NTRK2: variants seen among roughly 807,000 people sequenced by gnomAD.
NTRK2 encodes BDNF/NT-3 growth factors receptor.
A neutral mutation model predicts 94.5 loss-of-function variants in NTRK2; 13 were observed. That is an observed-to-expected ratio of 0.14 (90% CI 0.09 to 0.22). The LOEUF is 0.22. NTRK2 is among the 10% of genes least tolerant of loss of function. The pLI is 1.00. For missense variants in NTRK2, 639 were observed against 1,071.2 expected (o/e 0.60, Z 5.63); for synonymous variants, 372 against 407.4 (o/e 0.91, Z 1.05).
intron 12 of NTRK2, among the ~76,000 whole-genome samples, chr9:84,820,861 G>T (rs554166569): frequency 7.7e-4 from 117 of 152,250 alleles, no homozygotes; most frequent in African/African-American, 2.6e-3. Flanking sequence ...CATAATAAGA[G>T]AACAATGGCT....
At chr9:84,852,741 CAA>C (rs1418030798) in intron 12 of NTRK2, among the ~76,000 whole-genome samples, 4 of 152,128 alleles carry the variant, frequency 2.6e-5, no homozygotes, top group Admixed American at 2.6e-4. Flanking sequence ...ATGTACAAAA[CAA>C]AAGAGAGAAA....
At chr9:84,774,886 A>T (rs922047025) in intron 12 of NTRK2, among the ~76,000 whole-genome samples, 2 of 152,190 alleles carry the variant, frequency 1.3e-5, no homozygotes, top group Non-Finnish European at 2.9e-5. Flanking sequence ...ATGAAGAGAG[A>T]GAGGTTAGGA....
Position 84,748,203 on chromosome 9 carries a change from A to G in NTRK2, c.1296+3130A>G, listed in dbSNP as rs2064266558. On this transcript the variant is annotated intron_variant, in intron 11 of 18. Coordinates refer to ENST00000277120, the MANE Select transcript of NTRK2 (RefSeq NM_006180.6). ...AACAACTGACCAAACAAACTCACCC[A>G]TGCTCATCTCCCGTGTAAAAACCAC... is the stretch of plus-strand genomic sequence containing the variant. Among the ~76,000 whole-genome samples the G allele has an allele frequency of 3.9e-5, 6 of 152,326 alleles. No homozygotes were observed. In the South Asian group the frequency reaches 1.2e-3, roughly 32 times the overall value.
chr9:84,877,964 A>G, intron 14 of NTRK2: 1 of 1,007,686 alleles, frequency 9.9e-7, no homozygotes, highest in Non-Finnish European at 1.2e-6. Flanking sequence ...TGAGAATATA[A>G]TTCAACATTG....
chr9:84,869,606 A>G (rs2075751626), intron 14 of NTRK2, among the ~76,000 whole-genome samples: 1 of 151,768 alleles, frequency 6.6e-6, no homozygotes, highest in Non-Finnish European at 1.5e-5. Flanking sequence ...CCTTTTGTTA[A>G]GTAGTGAGTA....
chr9:84,728,102 A>T, intron 9 of NTRK2, 143 bp downstream of exon 9: 2 of 780,802 alleles, frequency 2.6e-6, no homozygotes, highest in East Asian at 2.7e-5. Context: ...TCCATAGGTC[A>T]GCGGAGTGGT....
At chr9:84,746,662 C>T (rs974571836) in intron 11 of NTRK2, among the ~76,000 whole-genome samples, 5 of 152,100 alleles carry the variant, frequency 3.3e-5, no homozygotes, top group Non-Finnish European at 7.4e-5. Context: ...ACTTCATCTC[C>T]CACGCTCTTC....
At chr9:84,744,099 C>G (rs967194965) in intron 10 of NTRK2, among the ~76,000 whole-genome samples, 2 of 152,148 alleles carry the variant, frequency 1.3e-5, no homozygotes, top group Non-Finnish European at 2.9e-5. Flanking sequence ...AATTAAAATA[C>G]AAACATTATA....
At chr9:84,735,646 T>C (rs1275566358) in intron 9 of NTRK2, among the ~76,000 whole-genome samples, 1 of 151,690 alleles carries the variant, frequency 6.6e-6, no homozygotes, top group African/African-American at 2.4e-5. Context: ...CTAGGGAGAG[T>C]GAACAAAAAG....
intron 14 of NTRK2, among the ~76,000 whole-genome samples, chr9:84,888,174 G>C (rs2076474652): frequency 6.6e-6 from 1 of 152,168 alleles, no homozygotes; most frequent in Non-Finnish European, 1.5e-5. Context: ...TGAGCATTGA[G>C]AGAACTTAAC....
At chr9:84,824,263 CAG>C (rs942272817) in intron 12 of NTRK2, among the ~76,000 whole-genome samples, 1 of 152,210 alleles carries the variant, frequency 6.6e-6, no homozygotes, top group African/African-American at 2.4e-5. Context: ...ATGGCAGTAA[CAG>C]TGGTTCTGAG....
At chr9:84,688,651 GA>G (rs2059863403) in intron 2 of NTRK2, among the ~76,000 whole-genome samples, 1 of 152,162 alleles carries the variant, frequency 6.6e-6, no homozygotes, top group Non-Finnish European at 1.5e-5. Context: ...TATTGCCCCT[GA>G]AAGTTCTGGG....
intron 2 of NTRK2, among the ~76,000 whole-genome samples, chr9:84,692,468 CTTTTTTTTTTTT>C (rs71369138): frequency 5.7e-5 from 5 of 87,694 alleles, no homozygotes; most frequent in Non-Finnish European, 2.1e-5. Flanking sequence ...TTCTTTTTTT[CTTTTTTTTTTTT>C]TTTTTTTTGA....
chr9:84,934,631 C>T lies in NTRK2; in HGVS notation c.1764+339C>T, dbSNP rs546018337. 5.9e-5 allele frequency among the ~76,000 whole-genome samples: 9 copies of T among 152,240 alleles called. No homozygotes were observed. In the East Asian group the frequency reaches 1.4e-3, roughly 23 times the overall value. On this transcript the variant is annotated intron_variant, in intron 15 of 18. Transcript: ENST00000277120. The stretch of plus-strand genomic sequence containing the variant: ...CTTCCTGAAGACTCACATGTGTCTC[C>T]TCAAATTGTTAGGTGCTTGTTCCAA...
intron 12 of NTRK2, among the ~76,000 whole-genome samples, chr9:84,760,343 A>T (rs986329852): frequency 6.6e-6 from 1 of 152,196 alleles, no homozygotes; most frequent in African/African-American, 2.4e-5. Flanking sequence ...TTTCAGATTT[A>T]TGTTTTAGTA....
intron 17 of NTRK2, among the ~76,000 whole-genome samples, chr9:85,019,390 G>A (rs729560): frequency 0.74 from 111,990 of 152,004 alleles, 41,990 homozygotes; most frequent in African/African-American, 0.84. Flanking sequence ...GTTTGAAATC[G>A]GGCATCCCTG....
At chr9:84,905,137 G>A (rs940650104) in intron 14 of NTRK2, among the ~76,000 whole-genome samples, 2 of 152,198 alleles carry the variant, frequency 1.3e-5, no homozygotes, top group African/African-American at 2.4e-5. Flanking sequence ...TGAAACACGA[G>A]TGGCAAATGG....
intron 9 of NTRK2, among the ~76,000 whole-genome samples, chr9:84,739,015 A>G (rs958770702): frequency 1.3e-5 from 2 of 152,162 alleles, no homozygotes; most frequent in African/African-American, 4.8e-5. Context: ...GACTGGATGG[A>G]CACTGACCTA....
intron 14 of NTRK2, among the ~76,000 whole-genome samples, chr9:84,924,285 AAGAAAGAAAG>A (rs1374664578): frequency 4.1e-5 from 6 of 146,092 alleles, no homozygotes; most frequent in East Asian, 2.0e-4. Flanking sequence ...GAAAGAAAGA[AAGAAAGAAAG>A]AGGAAAAAAA....
Sources: gnomAD v4.1 joint callset for allele counts (sites outside exome capture counted in the v4.1 genomes callset) on GRCh38, gnomAD v4.1.1 for gene constraint, MANE v1.5 for transcripts, NCBI Gene and HGNC (gene_info 2026-07-23, HGNC 2026-07-21) for gene names.